ZNF131: variants seen among roughly 807,000 people sequenced by gnomAD.
ZNF131 encodes the protein zinc finger and BTB domain containing 35.
Under a neutral mutation model 60.0 loss-of-function variants are expected in ZNF131, and 7 were observed. That is an observed-to-expected ratio of 0.12 (90% CI 0.07 to 0.22). The LOEUF (loss-of-function observed/expected upper bound fraction) is 0.22, where lower values mean the gene tolerates loss of function less well. Among genes scored for constraint, ZNF131 ranks in the 10% least tolerant of loss-of-function variants. ZNF131 has a pLI of 1.00. For missense variants in ZNF131, 493 were observed against 740.9 expected (o/e 0.67, Z 3.88); for synonymous variants, 257 against 253.2 (o/e 1.01, Z -0.14).
chr5:43,122,216 T>A, intron 2 of ZNF131, 39 bp downstream of exon 2: 1 of 1,577,122 alleles, frequency 6.3e-7, no homozygotes, highest in Non-Finnish European at 8.6e-7. Context: ...ATTTTTGGCT[T>A]CAGTTTTTTT....
rs558425199 is a variant in ZNF131, at chr5:43,160,044, C to T, written c.372-1205C>T. ...ACAAAATATTAGCTGGTCGTGGTGG[C>T]GGGCGCCTGTAGTCCCAGCTGCTTG... is the stretch of plus-strand genomic sequence containing the variant. On this transcript the variant is annotated intron_variant, in intron 4 of 6. Coordinates refer to ENST00000682664, the MANE Select transcript of ZNF131 (RefSeq NM_001330707.2). Among the ~76,000 whole-genome samples, 935 of 152,030 alleles carry T rather than the reference C, an allele frequency of 6.2e-3. 13 individuals are homozygous for T. The highest frequency in any genetic ancestry group is 0.018 in the African/African-American group (754 of 41,486).
intron 4 of ZNF131, chr5:43,143,402 T>C: frequency 1.4e-6 from 2 of 1,407,800 alleles, no homozygotes; most frequent in Non-Finnish European, 1.8e-6. Context: ...CTGCACATAG[T>C]CCTCAAAAGC....
intron 2 of ZNF131, among the ~76,000 whole-genome samples, chr5:43,122,428 C>A (rs1392549409): frequency 1.3e-5 from 2 of 152,182 alleles, no homozygotes; most frequent in East Asian, 1.9e-4. Flanking sequence ...TAACTTCTTA[C>A]ATCCTGTTGA....
chr5:43,174,640 G>A lies in ZNF131; in HGVS notation c.1379G>A (p.Arg460His), dbSNP rs780291701. The A allele has an allele frequency of 1.3e-5, 21 of 1,614,070 alleles. No homozygotes were observed. Among genetic ancestry groups the A allele is most frequent in the Middle Eastern group, 1.6e-4 (1 of 6,084 alleles). ...VTEEVLSVET[R>H]VQTEPVTSMT... ...GAAGAAGTTCTTTCAGTAGAAACAC[G>A]TGTGCAAACTGAACCTGTAACATCA... The change falls in exon 7 of 7, where the codon CGT becomes CAT. Residue 460 changes from arginine (R) to histidine (H), a missense_variant. Coordinates refer to ENST00000682664, the MANE Select transcript of ZNF131 (RefSeq NM_001330707.2).
chr5:43,122,489 A>G (rs1743994236), intron 2 of ZNF131, among the ~76,000 whole-genome samples: 1 of 152,158 alleles, frequency 6.6e-6, no homozygotes, highest in South Asian at 2.1e-4. Flanking sequence ...TTTGGTTGAT[A>G]GCCTCTTGTT....
intron 3 of ZNF131, among the ~76,000 whole-genome samples, chr5:43,137,701 C>T (rs1181765769): frequency 3.9e-5 from 6 of 152,136 alleles, no homozygotes. Context: ...AATTAAAATA[C>T]CATACAATTC....
chr5:43,121,954 T>A, intron 1 of ZNF131, 85 bp from the exon 2 acceptor site: 4 of 1,425,312 alleles, frequency 2.8e-6, no homozygotes, highest in Non-Finnish European at 3.7e-6. Flanking sequence ...CGTTGCTGGT[T>A]TTTTTTGTTG....
intron 3 of ZNF131, among the ~76,000 whole-genome samples, chr5:43,133,402 G>T (rs150128393): frequency 6.6e-6 from 1 of 152,148 alleles, no homozygotes; most frequent in Non-Finnish European, 1.5e-5. Context: ...GGAGGCGGAC[G>T]TTGCAGTGAG....
intron 3 of ZNF131, among the ~76,000 whole-genome samples, chr5:43,130,264 CAAAAA>C (rs570313526): frequency 1.3e-4 from 9 of 68,390 alleles, no homozygotes; most frequent in Non-Finnish European, 1.6e-4. Context: ...ACTCTGTCTC[CAAAAA>C]AAAAAAAAAA....
chr5:43,174,409 T>C, intron 6 of ZNF131, 38 bp from the exon 7 acceptor site: 1 of 1,475,396 alleles, frequency 6.8e-7, no homozygotes. Flanking sequence ...TCAGTTTGGA[T>C]ATAAGTATTG....
chr5:43,139,503 T>C (rs1746537151), intron 4 of ZNF131, among the ~76,000 whole-genome samples, 194 bp downstream of exon 4: 1 of 152,218 alleles, frequency 6.6e-6, no homozygotes, highest in Non-Finnish European at 1.5e-5. Flanking sequence ...TGATCATGTG[T>C]TAAAACTGCT....
At position 43,163,013 on chromosome 5, in the gene ZNF131, C is replaced by G. The variant is rs529652600; in HGVS notation, c.1054+1082C>G. Among the ~76,000 whole-genome samples the G allele has an allele frequency of 4.9e-3, 579 of 118,944 alleles. 5 individuals carry two copies. The highest frequency in any genetic ancestry group is 7.2e-3 in the Non-Finnish European group (431 of 60,060). 78.0% of individuals were successfully genotyped at this position (118,944 alleles called of 152,430 possible). ...GGCAGATGGAGTCTCGCTCTGTTGC[C>G]CAGGCTGGAGTGCAGTGGCACGATC... On this transcript the variant is annotated intron_variant, in intron 5 of 6. Coordinates refer to ENST00000682664, the MANE Select transcript of ZNF131 (RefSeq NM_001330707.2).
intron 3 of ZNF131, among the ~76,000 whole-genome samples, chr5:43,131,841 T>C (rs1295979122): frequency 6.6e-6 from 1 of 152,016 alleles, no homozygotes; most frequent in Non-Finnish European, 1.5e-5. Flanking sequence ...TTTAGTATTA[T>C]GAGTAAGAGA....
At chr5:43,122,249 T>G (rs1743956638) in intron 2 of ZNF131, 72 bp downstream of exon 2, 5 of 511,484 alleles carry the variant, frequency 9.8e-6, no homozygotes, top group Non-Finnish European at 1.3e-5. Context: ...CACCCGCCTT[T>G]TTTTTTTTTT....
chr5:43,171,373 C>G (rs538081780), intron 5 of ZNF131, among the ~76,000 whole-genome samples: 1 of 152,246 alleles, frequency 6.6e-6, no homozygotes, highest in African/African-American at 2.4e-5. Context: ...TTCTCCATTG[C>G]CTCTTTGCCC....
chr5:43,154,848 C>G (rs1748766915), intron 4 of ZNF131, among the ~76,000 whole-genome samples: 1 of 152,246 alleles, frequency 6.6e-6, no homozygotes, highest in African/African-American at 2.4e-5. Flanking sequence ...AGTTGTGGCC[C>G]CAGAGGCGTG....
chr5:43,129,013 A>G (rs1272049251), intron 3 of ZNF131, among the ~76,000 whole-genome samples: 2 of 152,162 alleles, frequency 1.3e-5, no homozygotes, highest in Non-Finnish European at 2.9e-5. Context: ...GGCTTACTGC[A>G]GTCTCCGCCT....
chr5:43,175,270 C>T lies in ZNF131; in HGVS notation c.*137C>T, dbSNP rs1343503377. ...TTTCCTGTTGTGCTGAACTGTTGTC[C>T]GTTGAAACACATTGATTCCCCTCCC... On this transcript the variant is annotated 3_prime_UTR_variant, in exon 7 of 7. Transcript: ENST00000682664. The T allele has an allele frequency of 8.1e-6, 7 of 863,750 alleles. No individual in the cohort carries two copies. Among genetic ancestry groups the T allele is most frequent in the East Asian group, 7.9e-5 (3 of 37,886 alleles). The allele number at this position is 863,750 out of a possible 1,614,324, so 53.5% of individuals were successfully genotyped here.
intron 3 of ZNF131, 76 bp downstream of exon 3, chr5:43,123,386 T>C: frequency 7.8e-7 from 1 of 1,278,692 alleles, no homozygotes; most frequent in Non-Finnish European, 1.1e-6. Context: ...TTAAATACAA[T>C]ACTTAGCAAA....
Sources: gnomAD v4.1 joint callset for allele counts (sites outside exome capture counted in the v4.1 genomes callset) on GRCh38, gnomAD v4.1.1 for gene constraint, MANE v1.5 for transcripts, NCBI Gene and HGNC (gene_info 2026-07-23, HGNC 2026-07-21) for gene names.